The following KIF26B variants were observed in gnomAD, a reference collection of about 807,000 sequenced individuals.
The protein encoded by KIF26B is kinesin-like protein KIF26B.
In KIF26B, 63 loss-of-function variants were observed where a neutral mutation model predicts 151.2. The ratio of observed to expected loss-of-function variants is 0.42; its 90% confidence interval spans 0.34 to 0.51. KIF26B has a LOEUF of 0.51. Ranked by LOEUF, KIF26B falls within the 20% of genes least tolerant of loss-of-function variation. The probability of loss-of-function intolerance (pLI) is 0.07; values close to 1 mark genes in which losing one functional copy is unlikely to be tolerated. For synonymous variants in KIF26B, 1,357 were observed against 1,262.1 expected (o/e 1.08, Z -1.59); for missense variants, 2,813 against 2,913.6 (o/e 0.97, Z 0.79).
chr1:245,239,787 T>TG lies in KIF26B; in HGVS notation c.465+83105dup, dbSNP rs1670179121. Reference sequence around the variant, plus strand: ...CTGGGATTACAGGCATGAGCCATTGTGTCCTGACCAGTAAAATGATTTTCT... The same window carrying TG: ...CTGGGATTACAGGCATGAGCCATTGTGGTCCTGACCAGTAAAATGATTTTCT... On this transcript the variant is annotated intron_variant, in intron 2 of 14. Transcript: ENST00000407071. The surrounding 1 kb of genome is among the most constrained non-coding windows in gnomAD (Gnocchi z 4.3). Among the ~76,000 whole-genome samples the TG allele has an allele frequency of 6.6e-6, 1 of 152,066 alleles. No individual in the cohort carries two copies. Among genetic ancestry groups the TG allele is most frequent in the South Asian group, 2.1e-4 (1 of 4,800 alleles).
intron 2 of KIF26B, among the ~76,000 whole-genome samples, chr1:245,173,720 C>G (rs749037107): frequency 3.3e-5 from 5 of 152,190 alleles, no homozygotes; most frequent in Non-Finnish European, 5.9e-5. Context: ...AGAATTGGGG[C>G]CAGGTGAATG....
In KIF26B at chr1:245,423,116, G is replaced by GGAAA. The variant is rs371175960; in HGVS notation, c.1166+3387_1166+3390dup. Among the ~76,000 whole-genome samples, 862 of 142,494 alleles carry GGAAA rather than the reference G, an allele frequency of 6.0e-3. 6 individuals carry two copies. Among genetic ancestry groups the GGAAA allele is most frequent in the Non-Finnish European group, 9.6e-3 (629 of 65,260 alleles). The allele number at this position is 142,494 out of a possible 152,430, so 93.5% of individuals were successfully genotyped here. A position where few individuals can be genotyped will look rare whatever the true frequency, so the allele number is the denominator to read the frequency against. Reference sequence around the variant, plus strand: ...CAGTCTCAAAAAAAAAAAAAAAAAAGGAAAGAAAGAAAGAAAGAAGCAACA... The same window carrying GGAAA: ...CAGTCTCAAAAAAAAAAAAAAAAAAGGAAAGAAAGAAAGAAAGAAAGAAGCAACA... On this transcript the variant is annotated intron_variant, in intron 4 of 14. Transcript: ENST00000407071.
intron 5 of KIF26B, among the ~76,000 whole-genome samples, chr1:245,555,760 C>G (rs1421124101): frequency 6.6e-6 from 1 of 152,136 alleles, no homozygotes; most frequent in Non-Finnish European, 1.5e-5. Context: ...TGACTCCTGT[C>G]AAACCCAGTG....
At chr1:245,295,447 C>A (rs1327333479) in intron 2 of KIF26B, among the ~76,000 whole-genome samples, 1 of 152,156 alleles carries the variant, frequency 6.6e-6, no homozygotes, top group Non-Finnish European at 1.5e-5. Context: ...GAGAACTCTA[C>A]CCATGGGTCC....
At chr1:245,577,917 A>G (rs1180806631) in intron 5 of KIF26B, among the ~76,000 whole-genome samples, 2 of 131,120 alleles carry the variant, frequency 1.5e-5, no homozygotes, top group Admixed American at 1.6e-4. Flanking sequence ...TTCCCCTACA[A>G]GGAAGAGCTT....
chr1:245,190,019 A>G (rs1434627038), intron 2 of KIF26B, among the ~76,000 whole-genome samples: 9 of 151,068 alleles, frequency 6.0e-5, no homozygotes, highest in Non-Finnish European at 1.2e-4. Flanking sequence ...TGATTCAATT[A>G]TCTCCTCCCC....
chr1:245,685,955 G>A lies in KIF26B; in HGVS notation c.2972G>A (p.Arg991Lys), dbSNP rs1460574198. The stretch of plus-strand genomic sequence containing the variant: ...GGGTCCGAAGGTCAGCTGACCAACA[G>A]AGAAGGCCCTGAACTCCCAGCCTCC... ...DNGSEGQLTN[R>K]EGPELPASKM... The change falls in exon 12 of 15, where the codon AGA becomes AAA. Residue 991 changes from arginine (R) to lysine (K), a missense_variant. Arg to Lys is a conservative substitution (Grantham distance 26). This residue lies in a region of KIF26B where 2,060 missense variants were observed against 2,088.6 expected (regional missense o/e 0.99). Coordinates refer to ENST00000407071, the MANE Select transcript of KIF26B (RefSeq NM_018012.4). The A allele has an allele frequency of 1.9e-6, 3 of 1,607,642 alleles. No individual in the cohort carries two copies. In the African/African-American group the frequency reaches 4.0e-5, roughly 21 times the overall value.
rs538734125 is a variant in KIF26B, at chr1:245,477,503, G to A, written c.1166+57758G>A. Among the ~76,000 whole-genome samples the A allele has an allele frequency of 1.6e-4, 25 of 151,886 alleles. No homozygotes were observed. In the South Asian group the frequency reaches 5.0e-3, roughly 31 times the overall value. ...CAGATTGGAAGGTGATAAATGCTAT[G>A]GAGAAAAAAGAACAAGGTAGCGCAG... On this transcript the variant is annotated intron_variant, in intron 4 of 14. Coordinates refer to ENST00000407071, the MANE Select transcript of KIF26B (RefSeq NM_018012.4).
chr1:245,515,152 A>G (rs1034556820), intron 4 of KIF26B, among the ~76,000 whole-genome samples: 1 of 151,888 alleles, frequency 6.6e-6, no homozygotes, highest in African/African-American at 2.4e-5. Context: ...ACAGCCCTAG[A>G]TGGGTTACTC....
intron 4 of KIF26B, among the ~76,000 whole-genome samples, chr1:245,492,129 C>T (rs993193549): frequency 3.3e-5 from 5 of 152,184 alleles, no homozygotes; most frequent in Admixed American, 6.5e-5. Context: ...GCTTTTACAG[C>T]GGGACAAGCA....
At chr1:245,450,676 C>T (rs1249488319) in intron 4 of KIF26B, among the ~76,000 whole-genome samples, 2 of 152,100 alleles carry the variant, frequency 1.3e-5, no homozygotes, top group African/African-American at 4.8e-5. Context: ...TAGGCGTATT[C>T]TGTGGTAGGA....
At chr1:245,413,603 C>T (rs952203373) in intron 3 of KIF26B, among the ~76,000 whole-genome samples, 1 of 152,204 alleles carries the variant, frequency 6.6e-6, no homozygotes, top group Admixed American at 6.5e-5. Flanking sequence ...GCGGAGGTTG[C>T]AGTGAGCCGA....
intron 1 of KIF26B, among the ~76,000 whole-genome samples, chr1:245,155,921 C>T (rs769798124): frequency 5.9e-5 from 9 of 151,928 alleles, no homozygotes; most frequent in Non-Finnish European, 1.2e-4. Context: ...ATAGGGTCTT[C>T]CAGGATTTTG....
At chr1:245,331,206 G>A (rs530682123) in intron 2 of KIF26B, among the ~76,000 whole-genome samples, 8 of 152,062 alleles carry the variant, frequency 5.3e-5, no homozygotes, top group Non-Finnish European at 1.2e-4. Context: ...CCGAGACATG[G>A]ATCGCGCTCT....
At chr1:245,605,378 C>T (rs1208590009) in intron 6 of KIF26B, among the ~76,000 whole-genome samples, 2 of 152,218 alleles carry the variant, frequency 1.3e-5, no homozygotes, top group Non-Finnish European at 2.9e-5. Context: ...GGCCTGTGCT[C>T]TCCAGTCCTC....
intron 2 of KIF26B, among the ~76,000 whole-genome samples, chr1:245,260,087 G>T (rs912147398): frequency 6.6e-6 from 1 of 152,050 alleles, no homozygotes; most frequent in Non-Finnish European, 1.5e-5. Flanking sequence ...GTGGGATGGG[G>T]TCGGAGGAGA....
At chr1:245,282,400 C>T (rs1263020519) in intron 2 of KIF26B, among the ~76,000 whole-genome samples, 1 of 152,292 alleles carries the variant, frequency 6.6e-6, no homozygotes, top group African/African-American at 2.4e-5. Flanking sequence ...TCTCTTAGAG[C>T]CAGGTGGCAA....
In KIF26B at chr1:245,367,331, G is replaced by T. The variant is rs368748454; in HGVS notation, c.963G>T (p.Leu321=). 4 of 1,595,596 alleles carry T rather than the reference G, an allele frequency of 2.5e-6. No individual in the cohort carries two copies. In the African/African-American group the frequency reaches 5.4e-5, roughly 21 times the overall value. Residue 321 remains leucine (L), a synonymous_variant, in exon 3 of 15, where the codon CTG becomes CTT. Coordinates refer to ENST00000407071, the MANE Select transcript of KIF26B (RefSeq NM_018012.4). This position sits in a 1 kb window ranked among gnomAD's most constrained non-coding sequence, Gnocchi z 4.2. ...AGTACCTGGATGGCACCTGGTCCCT[G>T]TCGAGAACCAACGGGGTCACCCTGT... The part of the protein sequence containing the change: ...AHQYLDGTWS[L]SRTNGVTLYP...
Position 245,619,096 on chromosome 1 carries a change from AGTGCCACAGTGCTGGGG to A in KIF26B, c.2098+7121_2098+7137del, listed in dbSNP as rs1558239178. ...TTAGACTATAGGTTCCTTGAGACAG[AGTGCCACAGTGCTGGGG>A]CTGTGTCTGCTGCGTGCTGTTGGTG... On this transcript the variant is annotated intron_variant, in intron 9 of 14. Coordinates refer to ENST00000407071, the MANE Select transcript of KIF26B (RefSeq NM_018012.4). Among the ~76,000 whole-genome samples, 1,115 of 141,952 alleles carry A rather than the reference AGTGCCACAGTGCTGGGG, an allele frequency of 7.9e-3. 44 individuals are homozygous for A. Among genetic ancestry groups the A allele is most frequent in the African/African-American group, 0.027 (1,033 of 37,836 alleles). 93.1% of individuals were successfully genotyped at this position (141,952 alleles called of 152,430 possible).
Sources: gnomAD v4.1 joint callset for allele counts (sites outside exome capture counted in the v4.1 genomes callset) on GRCh38, gnomAD v4.1.1 for gene constraint, gnomAD v4.1.1 regional missense constraint, Gnocchi (gnomAD v3.1) non-coding constraint, MANE v1.5 for transcripts, NCBI Gene and HGNC (gene_info 2026-07-23, HGNC 2026-07-21) for gene names.